RTN4RL1: variants seen among roughly 807,000 people sequenced by gnomAD.
RTN4RL1 encodes reticulon-4 receptor-like 1.
A neutral mutation model predicts 25.6 loss-of-function variants in RTN4RL1; 7 were observed. The ratio of observed to expected loss-of-function variants is 0.27; its 90% confidence interval spans 0.16 to 0.51. The LOEUF (loss-of-function observed/expected upper bound fraction) is 0.51. RTN4RL1 is among the 20% of genes least tolerant of loss of function. The pLI is 0.97. For missense variants in RTN4RL1, 500 were observed against 615.6 expected, an observed-to-expected ratio of 0.81 and a Z score of 1.99; for synonymous variants, 297 against 288.2, an observed-to-expected ratio of 1.03 and a Z score of -0.31.
intron 1 of RTN4RL1, among the ~76,000 whole-genome samples, chr17:1,945,742 C>T (rs1273418889): frequency 2.0e-5 from 3 of 152,242 alleles, no homozygotes; most frequent in Non-Finnish European, 4.4e-5. Context: ...TCTCTCCGCA[C>T]TGAGTGTATG....
At chr17:1,970,036 T>C (rs74418836) in intron 1 of RTN4RL1, among the ~76,000 whole-genome samples, 1 of 151,390 alleles carries the variant, frequency 6.6e-6, no homozygotes, top group African/African-American at 2.4e-5. Flanking sequence ...TTTTTTTTTT[T>C]TTTGAGATAG....
chr17:1,945,748 G>T (rs1915524482), intron 1 of RTN4RL1, among the ~76,000 whole-genome samples: 1 of 152,234 alleles, frequency 6.6e-6, no homozygotes, highest in Admixed American at 6.5e-5. Context: ...CGCACTGAGT[G>T]TATGTTGACT....
chr17:1,997,950 G>C (rs1409737353), intron 1 of RTN4RL1, among the ~76,000 whole-genome samples: 1 of 152,210 alleles, frequency 6.6e-6, no homozygotes, highest in Admixed American at 6.5e-5. Context: ...GAAAGCGTGG[G>C]CGCAGGTGCC....
chr17:1,936,280 G>C lies in RTN4RL1; in HGVS notation c.*216C>G. 2 of 1,376,206 alleles carry C rather than the reference G, an allele frequency of 1.5e-6. No homozygotes were observed. Among genetic ancestry groups the C allele is most frequent in the Non-Finnish European group, 1.9e-6 (2 of 1,072,146 alleles). 85.2% of individuals were successfully genotyped at this position (1,376,206 alleles called of 1,614,324 possible). ...GTGGGCGCTCTGCGGGGCTGGCTGG[G>C]ACAGCCGGCTGAGAAGCGCCACCCC... On this transcript the variant is annotated 3_prime_UTR_variant, in exon 2 of 2. Coordinates refer to ENST00000331238, the MANE Select transcript of RTN4RL1 (RefSeq NM_178568.4).
intron 1 of RTN4RL1, among the ~76,000 whole-genome samples, chr17:1,970,114 C>G (rs2066811940): frequency 6.6e-6 from 1 of 151,720 alleles, no homozygotes; most frequent in African/African-American, 2.4e-5. Flanking sequence ...CTCCGCCTCC[C>G]AGGTTCAAGC....
At chr17:1,981,931 T>C (rs554242094) in intron 1 of RTN4RL1, among the ~76,000 whole-genome samples, 3 of 152,332 alleles carry the variant, frequency 2.0e-5, no homozygotes, top group Admixed American at 2.0e-4. Flanking sequence ...AGCCCACTGC[T>C]CCTAGGCTAC....
chr17:2,020,101 G>C (rs927867016), intron 1 of RTN4RL1: 1 of 152,190 alleles, frequency 6.6e-6, no homozygotes, highest in Admixed American at 6.5e-5. Flanking sequence ...CTCCTAAGGA[G>C]AGAAGCTGTT....
rs570359120 is a variant in RTN4RL1, at chr17:1,936,061, G to A, written c.*435C>T. The A allele has an allele frequency of 4.0e-6, 4 of 995,756 alleles. No individual in the cohort carries two copies. The South Asian group carries it at 1.8e-4, about 46-fold the overall frequency. The allele number at this position is 995,756 out of a possible 1,614,324, so 61.7% of individuals were successfully genotyped here. A position where few individuals can be genotyped will look rare whatever the true frequency, so the allele number is the denominator to read the frequency against. Reference sequence around the variant, plus strand: ...GTGTGCCCAGACTGCTGGCCACCCAGCCTCGTGGGTGAGCCTCATTTGTTC... The same window carrying A: ...GTGTGCCCAGACTGCTGGCCACCCAACCTCGTGGGTGAGCCTCATTTGTTC... On this transcript the variant is annotated 3_prime_UTR_variant, in exon 2 of 2. Coordinates refer to ENST00000331238, the MANE Select transcript of RTN4RL1 (RefSeq NM_178568.4).
intron 1 of RTN4RL1, chr17:2,003,039 G>C (rs946305696): frequency 6.6e-6 from 1 of 152,224 alleles, no homozygotes; most frequent in Non-Finnish European, 1.5e-5. Context: ...AGTGGTGAGA[G>C]AGGAATCGAT....
At chr17:1,974,870 GC>G (rs1291214121) in intron 1 of RTN4RL1, among the ~76,000 whole-genome samples, 5 of 152,366 alleles carry the variant, frequency 3.3e-5, no homozygotes, top group African/African-American at 1.2e-4. Context: ...AGCTTCCCAG[GC>G]ATGGTGCCTG....
rs1334308738 is a variant in RTN4RL1, at chr17:1,941,552, C to T, written c.14-3744G>A. Among the ~76,000 whole-genome samples the T allele has an allele frequency of 4.6e-5, 7 of 152,290 alleles. 1 individual carries two copies. Among genetic ancestry groups the T allele is most frequent in the African/African-American group, 1.7e-4 (7 of 41,566 alleles). On this transcript the variant is annotated intron_variant, in intron 1 of 1. Coordinates refer to ENST00000331238, the MANE Select transcript of RTN4RL1 (RefSeq NM_178568.4). ...AAGCCACAGGCACCAGTGTGGGCAG[C>T]CCCTCCCGTCCCAGTGCCTGAGGAT...
chr17:1,964,791 T>TTC (rs752050621), intron 1 of RTN4RL1, among the ~76,000 whole-genome samples: 56 of 94,726 alleles, frequency 5.9e-4, no homozygotes, highest in South Asian at 3.0e-3. Flanking sequence ...TTCTTTTCTT[T>TTC]TTTTTTTTTT....
intron 1 of RTN4RL1, among the ~76,000 whole-genome samples, chr17:1,959,456 C>A (rs1019011648): frequency 6.6e-6 from 1 of 152,102 alleles, no homozygotes; most frequent in Non-Finnish European, 1.5e-5. Context: ...CTGCTCTTCC[C>A]GGCCTGATGA....
chr17:1,980,076 T>C (rs1038600070), intron 1 of RTN4RL1, among the ~76,000 whole-genome samples: 4 of 151,902 alleles, frequency 2.6e-5, no homozygotes, highest in Admixed American at 2.6e-4. Context: ...CTTTTCTTTT[T>C]TGTTTGAGAC....
chr17:1,976,072 T>C (rs2066841594), intron 1 of RTN4RL1, among the ~76,000 whole-genome samples: 2 of 152,240 alleles, frequency 1.3e-5, no homozygotes, highest in South Asian at 2.1e-4. Flanking sequence ...CCTCTCCAAA[T>C]GCACCCTTGT....
intron 1 of RTN4RL1, among the ~76,000 whole-genome samples, chr17:1,977,710 C>G (rs1271559684): frequency 6.6e-6 from 1 of 152,088 alleles, no homozygotes; most frequent in Non-Finnish European, 1.5e-5. Flanking sequence ...GAGGAGAGAC[C>G]CGGAGCAGCC....
chr17:1,947,164 CTG>C (rs1305948947), intron 1 of RTN4RL1, among the ~76,000 whole-genome samples: 1 of 150,190 alleles, frequency 6.7e-6, no homozygotes. Context: ...TGCACGGGGT[CTG>C]TGTGCGTCTC....
chr17:1,949,311 G>A (rs1359039111), intron 1 of RTN4RL1, among the ~76,000 whole-genome samples: 1 of 151,612 alleles, frequency 6.6e-6, no homozygotes, highest in African/African-American at 2.4e-5. Flanking sequence ...TGGCCAGGCT[G>A]GTCTCCAACT....
At chr17:1,965,328 T>G (rs1030092414) in intron 1 of RTN4RL1, among the ~76,000 whole-genome samples, 1 of 151,802 alleles carries the variant, frequency 6.6e-6, no homozygotes, top group African/African-American at 2.4e-5. Flanking sequence ...GTCAGGCTGG[T>G]CTTGAACTCC....
Sources: gnomAD v4.1 joint callset for allele counts (sites outside exome capture counted in the v4.1 genomes callset) on GRCh38, gnomAD v4.1.1 for gene constraint, MANE v1.5 for transcripts, NCBI Gene and HGNC (gene_info 2026-07-23, HGNC 2026-07-21) for gene names.